Variants in NPNT observed in about 807,000 individuals in gnomAD.
NPNT encodes the protein nephronectin.
Under a neutral mutation model 68.6 loss-of-function variants are expected in NPNT, and 45 were observed. The observed-to-expected ratio is 0.66, with a 90% CI of 0.52 to 0.84. The LOEUF (loss-of-function observed/expected upper bound fraction) is 0.84, where lower values mean the gene tolerates loss of function less well. NPNT is among the 40% of genes least tolerant of loss of function. NPNT has a pLI of 0.00. For missense variants in NPNT, 672 were observed against 714.8 expected, an observed-to-expected ratio of 0.94 and a Z score of 0.68; for synonymous variants, 233 against 253.3, an observed-to-expected ratio of 0.92 and a Z score of 0.76.
intron 2 of NPNT, among the ~76,000 whole-genome samples, chr4:105,907,746 G>T (rs1048467829): frequency 2.0e-5 from 3 of 152,116 alleles, no homozygotes; most frequent in Non-Finnish European, 2.9e-5. Flanking sequence ...ATAAGGTAAA[G>T]AATTCATTAA....
At position 105,895,685 on chromosome 4, in the gene NPNT, C is replaced by T. The variant is rs1329541147; in HGVS notation, c.33C>T (p.Ser11=). 24 of 1,553,778 alleles carry T rather than the reference C, an allele frequency of 1.5e-5. No homozygotes were observed. The highest frequency in any genetic ancestry group is 3.5e-6 in the Non-Finnish European group (4 of 1,148,288). ...TTCTCCTGGCGCTGGTGCTGGTATC[C>T]TCGCTCTACCTGCAGGCGGCCGCCG... MDFLLALVLV[S]SLYLQAAAEF... Residue 11 remains serine, a synonymous_variant, in exon 1 of 12, where the codon TCC becomes TCT. Transcript: ENST00000379987.
chr4:105,917,412 T>G (rs2149340627), intron 2 of NPNT, among the ~76,000 whole-genome samples: 1 of 152,348 alleles, frequency 6.6e-6, no homozygotes, highest in Middle Eastern at 3.4e-3. Flanking sequence ...AAATGCCTTC[T>G]TCTGTATTCT....
intron 8 of NPNT, among the ~76,000 whole-genome samples, chr4:105,952,879 C>T (rs1417504551): frequency 6.6e-6 from 1 of 152,174 alleles, no homozygotes; most frequent in Admixed American, 6.5e-5. Context: ...TCATTCCTGG[C>T]AGAGCCTAAC....
intron 1 of NPNT, 169 bp downstream of exon 1, chr4:105,895,892 T>G: frequency 1.6e-6 from 1 of 614,008 alleles, no homozygotes; most frequent in Non-Finnish European, 2.8e-6. Flanking sequence ...CGGCTCCGAG[T>G]GCCCGCCCGA....
At chr4:105,912,198 C>T in intron 2 of NPNT, 1 of 1,533,832 alleles carries the variant, frequency 6.5e-7, no homozygotes, top group South Asian at 1.2e-5. Context: ...CTTTCTACGT[C>T]TTAAGGCAGA....
chr4:105,906,979 G>A (rs1726951471), intron 2 of NPNT, among the ~76,000 whole-genome samples: 1 of 152,196 alleles, frequency 6.6e-6, no homozygotes, highest in Non-Finnish European at 1.5e-5. Flanking sequence ...ATGGGCCAGT[G>A]AGCCCAGGAA....
intron 8 of NPNT, among the ~76,000 whole-genome samples, chr4:105,957,837 A>G (rs1472776968): frequency 5.3e-5 from 8 of 152,190 alleles, no homozygotes; most frequent in Admixed American, 1.3e-4. Flanking sequence ...GAAAGAGAGC[A>G]TTGGGTCTGA....
chr4:105,926,750 G>C (rs985222661), intron 2 of NPNT, among the ~76,000 whole-genome samples: 1 of 152,182 alleles, frequency 6.6e-6, no homozygotes, highest in Non-Finnish European at 1.5e-5. Flanking sequence ...GGCCATTATA[G>C]ATTGAAAAGC....
chr4:105,915,877 A>C (rs1483925263), intron 2 of NPNT, among the ~76,000 whole-genome samples: 3 of 152,198 alleles, frequency 2.0e-5, no homozygotes, highest in South Asian at 2.1e-4. Flanking sequence ...AACTTCAGTC[A>C]ACATTGATTA....
At chr4:105,915,453 G>T (rs1208840239) in intron 2 of NPNT, among the ~76,000 whole-genome samples, 1 of 152,128 alleles carries the variant, frequency 6.6e-6, no homozygotes, top group Non-Finnish European at 1.5e-5. Context: ...TACCTAAACA[G>T]TCTGAGCTAC....
chr4:105,935,272 A>T lies in NPNT; in HGVS notation c.266-1737A>T, dbSNP rs568012719. On this transcript the variant is annotated intron_variant, in intron 3 of 11. Coordinates refer to ENST00000379987, the MANE Select transcript of NPNT (RefSeq NM_001033047.3). ...TTTAGTGCAGAAAAATACTTAAAAC[A>T]CAAAGCCTTTCTCTAACACCATATT... 3.3e-5 allele frequency among the ~76,000 whole-genome samples: 5 copies of T among 152,336 alleles called. No individual in the cohort carries two copies. In the East Asian group the frequency reaches 9.6e-4, roughly 29 times the overall value.
At chr4:105,943,328 T>A (rs1454341170) in intron 8 of NPNT, among the ~76,000 whole-genome samples, 2 of 152,178 alleles carry the variant, frequency 1.3e-5, no homozygotes, top group Non-Finnish European at 2.9e-5. Context: ...GATATTATAG[T>A]TAACAGGGAC....
Position 105,970,732 on chromosome 4 carries a change from C to A in NPNT, c.*1742C>A. On this transcript the variant is annotated 3_prime_UTR_variant, in exon 12 of 12. Transcript: ENST00000379987. The stretch of plus-strand genomic sequence containing the variant: ...TTTAAGATGGTTAAAGATGTTCTTA[C>A]CCAAGGAAAAGTAACAAATTATAGA... 1 of 401,744 alleles carries A rather than the reference C, an allele frequency of 2.5e-6. No homozygotes were observed. 24.9% of individuals were successfully genotyped at this position (401,744 alleles called of 1,614,324 possible).
rs1010709909 is a variant in NPNT at position 105,940,639 on chromosome 4, G to C, written c.763+3G>C. On this transcript the variant is annotated splice_donor_region_variant and intron_variant, in intron 7 of 11. Transcript: ENST00000379987. Reference sequence around the variant, plus strand: ...GGGTGATGGACTGACTTGTGTGTGTGAGTAGCACTTGTCTCTCAGCTTTAA... The same window carrying C: ...GGGTGATGGACTGACTTGTGTGTGTCAGTAGCACTTGTCTCTCAGCTTTAA... 4 of 1,612,158 alleles carry C rather than the reference G, an allele frequency of 2.5e-6. No individual in the cohort carries two copies. The highest frequency in any genetic ancestry group is 3.4e-6 in the Non-Finnish European group (4 of 1,178,972).
chr4:105,952,810 C>T (rs1730934386), intron 8 of NPNT, among the ~76,000 whole-genome samples: 1 of 152,308 alleles, frequency 6.6e-6, no homozygotes, highest in African/African-American at 2.4e-5. Context: ...ATGCTGCACT[C>T]AGTCCAAGCA....
At chr4:105,908,121 A>G (rs1727068024) in intron 2 of NPNT, among the ~76,000 whole-genome samples, 1 of 152,236 alleles carries the variant, frequency 6.6e-6, no homozygotes, top group East Asian at 1.9e-4. Flanking sequence ...TTTAGAATAT[A>G]GTTGTTGCTT....
At chr4:105,947,726 C>G (rs887848218) in intron 8 of NPNT, among the ~76,000 whole-genome samples, 28 of 152,136 alleles carry the variant, frequency 1.8e-4, no homozygotes, top group African/African-American at 6.5e-4. Flanking sequence ...TGCTTTTTTT[C>G]AACCCACTTA....
chr4:105,931,855 G>A (rs1729140148), intron 3 of NPNT, among the ~76,000 whole-genome samples: 2 of 151,864 alleles, frequency 1.3e-5, no homozygotes, highest in South Asian at 4.2e-4. Context: ...AAAGGAAGTT[G>A]TATGCTTTCA....
Position 105,932,360 on chromosome 4 carries a change from A to G in NPNT, c.266-4649A>G, listed in dbSNP as rs185900767. ...TGTTTGGAATTTTTTAAAAAATTGT[A>G]TGACGATGGATTGTTCATTTATAAT... is the stretch of plus-strand genomic sequence containing the variant. On this transcript the variant is annotated intron_variant, in intron 3 of 11. Transcript: ENST00000379987. 3.0e-4 allele frequency among the ~76,000 whole-genome samples: 45 copies of G among 152,298 alleles called. No individual in the cohort carries two copies. In the East Asian group the frequency reaches 8.1e-3, roughly 27 times the overall value.
Sources: gnomAD v4.1 joint callset for allele counts (sites outside exome capture counted in the v4.1 genomes callset) on GRCh38, gnomAD v4.1.1 for gene constraint, MANE v1.5 for transcripts, NCBI Gene and HGNC (gene_info 2026-07-23, HGNC 2026-07-21) for gene names.